The following IQCB1 variants were observed in gnomAD, a reference collection of about 807,000 sequenced individuals.
The protein encoded by IQCB1 is IQ motif containing B1.
In IQCB1, 56 loss-of-function variants were observed where a neutral mutation model predicts 84.4. The observed-to-expected ratio is 0.66, with a 90% CI of 0.54 to 0.83. The LOEUF (loss-of-function observed/expected upper bound fraction) is 0.83. Ranked by LOEUF, IQCB1 falls within the 40% of genes least tolerant of loss-of-function variation. IQCB1 has a pLI of 0.00. For missense variants in IQCB1, 629 were observed against 682.1 expected (o/e 0.92, Z 0.87); for synonymous variants, 210 against 234.8 (o/e 0.89, Z 0.96).
rs540671081 is a variant in IQCB1 at position 121,828,511 on chromosome 3, C to T, written c.222G>A (p.Gln74=). 6.2e-7 allele frequency: 1 copy of T among 1,613,258 alleles called. No homozygotes were observed. The highest frequency in any genetic ancestry group is 1.7e-5 in the Admixed American group (1 of 60,010). Residue 74 remains glutamine (Q), a synonymous_variant, in exon 4 of 15, where the codon CAG becomes CAA. Transcript: ENST00000310864. ...GCTGGGAAATTGTAGTCCAACCACC[C>T]TGGATTCGAGAATAATCTTGACTGA... ...LVLSQDYSRI[Q]GGWTTISQLT... is the part of the protein sequence containing the mutation.
chr3:121,814,639 C>G (rs1307347845), intron 5 of IQCB1, among the ~76,000 whole-genome samples: 1 of 152,144 alleles, frequency 6.6e-6, no homozygotes, highest in East Asian at 1.9e-4. Flanking sequence ...CACCTCTACA[C>G]AAATAAACTA....
chr3:121,787,463 GAAT>G (rs953423195), intron 12 of IQCB1, among the ~76,000 whole-genome samples: 1 of 152,122 alleles, frequency 6.6e-6, no homozygotes, highest in African/African-American at 2.4e-5. Context: ...TGCTATTTAA[GAAT>G]AAGAGGCCGG....
intron 13 of IQCB1, among the ~76,000 whole-genome samples, chr3:121,773,219 C>A (rs978703534): frequency 6.9e-6 from 1 of 144,376 alleles, no homozygotes; most frequent in African/African-American, 2.6e-5. Context: ...GAGGCTGAGG[C>A]GGGAGAATTA....
At chr3:121,794,654 GAC>G (rs1576567503) in intron 10 of IQCB1, among the ~76,000 whole-genome samples, 2 of 152,062 alleles carry the variant, frequency 1.3e-5, no homozygotes, top group African/African-American at 4.8e-5. Context: ...CCCACTAAGA[GAC>G]ACAGTTAGCT....
At chr3:121,814,759 C>T (rs1949981013) in intron 5 of IQCB1, among the ~76,000 whole-genome samples, 1 of 152,154 alleles carries the variant, frequency 6.6e-6, no homozygotes, top group Non-Finnish European at 1.5e-5. Context: ...GAAATTGAGG[C>T]AGTAATTAAT....
Position 121,788,414 on chromosome 3 carries a change from T to C in IQCB1, c.1148A>G (p.Tyr383Cys), listed in dbSNP as rs766266510. Reference sequence around the variant, plus strand: ...TGCTGATTTCTCTTCCATTTCCCGATAGTGTTTCTCCACCTGACCTAAAAA... The same window carrying C: ...TGCTGATTTCTCTTCCATTTCCCGACAGTGTTTCTCCACCTGACCTAAAAA... ...IVHPGQVEKH[Y>C]REMEEKSALI... Residue 383 changes from tyrosine to cysteine, a missense_variant, in exon 12 of 15, where the codon TAT (tyrosine) becomes TGT (cysteine). Tyr to Cys is a radical substitution (Grantham distance 194, BLOSUM62 -2). Transcript: ENST00000310864. 3 of 1,613,684 alleles carry C rather than the reference T, an allele frequency of 1.9e-6. No homozygotes were observed. Among genetic ancestry groups the C allele is most frequent in the Admixed American group, 1.7e-5 (1 of 60,008 alleles).
chr3:121,774,539 C>G (rs2108510795), intron 13 of IQCB1, among the ~76,000 whole-genome samples: 1 of 152,254 alleles, frequency 6.6e-6, no homozygotes, highest in East Asian at 1.9e-4. Flanking sequence ...CCAAGTGTTC[C>G]TTGGATAAAC....
At chr3:121,808,550 C>T (rs912256712) in intron 6 of IQCB1, among the ~76,000 whole-genome samples, 2 of 151,894 alleles carry the variant, frequency 1.3e-5, no homozygotes, top group Non-Finnish European at 2.9e-5. Context: ...ATCATATCCA[C>T]CCTGAACATA....
chr3:121,818,660 G>C (rs754783502), intron 5 of IQCB1, among the ~76,000 whole-genome samples: 2 of 152,112 alleles, frequency 1.3e-5, no homozygotes, highest in Non-Finnish European at 2.9e-5. Context: ...TAATTGATAA[G>C]TATTACCAAA....
At chr3:121,790,302 CAG>C (rs1948915068) in intron 10 of IQCB1, 87 bp from the exon 11 acceptor site, 6 of 1,251,360 alleles carry the variant, frequency 4.8e-6, no homozygotes, top group East Asian at 4.7e-5. Context: ...TAAATGTAAA[CAG>C]AAAAAATTTT....
intron 2 of IQCB1, among the ~76,000 whole-genome samples, chr3:121,832,199 T>G (rs1396606467): frequency 6.6e-6 from 1 of 152,230 alleles, no homozygotes; most frequent in African/African-American, 2.4e-5. Flanking sequence ...TATCGGTTTG[T>G]CTTATTCTTT....
At chr3:121,795,671 C>T in intron 9 of IQCB1, 105 bp from the exon 10 acceptor site, 3 of 718,444 alleles carry the variant, frequency 4.2e-6, no homozygotes, top group Non-Finnish European at 7.5e-6. Context: ...TAATCTCTAG[C>T]TCTAACAAGA....
Position 121,808,869 on chromosome 3 carries a change from G to A in IQCB1, c.487+47C>T, listed in dbSNP as rs765383667. ...GGAAAAAACGATCAAACTGTTAGCAGTTGACTCTACAATAGCTATTAGTTA... is the reference window on the plus strand; with the variant it reads ...GGAAAAAACGATCAAACTGTTAGCAATTGACTCTACAATAGCTATTAGTTA... On this transcript the variant is annotated intron_variant, in intron 6 of 14. Transcript: ENST00000310864. The A allele has an allele frequency of 1.1e-5, 12 of 1,132,436 alleles. No homozygotes were observed. In the East Asian group the frequency reaches 2.6e-4, roughly 24 times the overall value. 70.1% of individuals were successfully genotyped at this position (1,132,436 alleles called of 1,614,324 possible).
intron 2 of IQCB1, among the ~76,000 whole-genome samples, chr3:121,830,457 C>T (rs1055934841): frequency 3.3e-5 from 5 of 151,844 alleles, no homozygotes; most frequent in Middle Eastern, 3.4e-3. Flanking sequence ...ATAATAAAAG[C>T]GTATTTCCTT....
intron 10 of IQCB1, among the ~76,000 whole-genome samples, chr3:121,791,153 G>T (rs971653017): frequency 6.6e-6 from 1 of 152,084 alleles, no homozygotes; most frequent in Non-Finnish European, 1.5e-5. Context: ...TTAGTTTACC[G>T]CTATAGACTT....
At chr3:121,817,245 C>A (rs1488074332) in intron 5 of IQCB1, among the ~76,000 whole-genome samples, 1 of 152,106 alleles carries the variant, frequency 6.6e-6, no homozygotes, top group African/African-American at 2.4e-5. Flanking sequence ...ACATCACACA[C>A]TGTGGCCTGT....
At chr3:121,815,209 C>T (rs926173946) in intron 5 of IQCB1, among the ~76,000 whole-genome samples, 1 of 152,096 alleles carries the variant, frequency 6.6e-6, no homozygotes, top group South Asian at 2.1e-4. Context: ...AAATTCAACA[C>T]CCCATTCATG....
At chr3:121,807,507 T>C in intron 6 of IQCB1, 64 bp from the exon 7 acceptor site, 2 of 896,236 alleles carry the variant, frequency 2.2e-6, no homozygotes, top group Non-Finnish European at 3.7e-6. Flanking sequence ...AGGAAGATTT[T>C]GTTCTTTTCA....
intron 12 of IQCB1, among the ~76,000 whole-genome samples, chr3:121,785,254 A>C (rs1269463290): frequency 6.7e-6 from 1 of 149,558 alleles, no homozygotes; most frequent in African/African-American, 2.5e-5. Context: ...CCTTTATATT[A>C]CTTTTTTTTT....
Sources: allele counts gnomAD v4.1 joint callset (sites outside exome capture counted in the v4.1 genomes callset), GRCh38; gene constraint gnomAD v4.1.1; transcripts MANE v1.5; gene names NCBI Gene and HGNC (gene_info 2026-07-23, HGNC 2026-07-21).